Variants in UBTF observed in about 807,000 individuals in gnomAD.
UBTF encodes the protein nucleolar transcription factor 1.
In UBTF, 8 loss-of-function variants were observed where a neutral mutation model predicts 112.3. That is an observed-to-expected ratio of 0.07 (90% CI 0.04 to 0.13). The LOEUF (loss-of-function observed/expected upper bound fraction) is 0.13. Among genes scored for constraint, UBTF ranks in the 10% least tolerant of loss-of-function variants. The pLI is 1.00. For missense variants in UBTF, 457 were observed against 982.1 expected (o/e 0.47, Z 7.15); for synonymous variants, 417 against 373.1 (o/e 1.12, Z -1.36).
Position 44,207,249 on chromosome 17 carries a change from G to C in UBTF, c.2288C>G (p.Ser763Cys). 6.2e-7 allele frequency: 1 copy of C among 1,613,620 alleles called. No individual in the cohort carries two copies. The highest frequency in any genetic ancestry group is 8.5e-7 in the Non-Finnish European group (1 of 1,179,864). Residue 763 changes from serine to cysteine, a missense_variant, in exon 21 of 21, where the codon TCC becomes TGC. By Grantham distance (112) the Ser-to-Cys change is moderately radical (BLOSUM62 -1). Around this residue, in one of 7 missense-constraint regions of UBTF, gnomAD observed 139 missense variants for 157.5 expected, o/e 0.88. Coordinates refer to ENST00000436088, the MANE Select transcript of UBTF (RefSeq NM_014233.4). ...CTGGGGTGGGGCTGAGCCTCAGTTGGAGTCAGAGTCTGAGGAGTCCCCTGA... is the reference window on the plus strand; with the variant it reads ...CTGGGGTGGGGCTGAGCCTCAGTTGCAGTCAGAGTCTGAGGAGTCCCCTGA... The part of the protein sequence containing the change: ...SSSGDSSDSD[S>C]N
At chr17:44,218,541 T>G in intron 1 of UBTF, 2 of 252,054 alleles carry the variant, frequency 7.9e-6, no homozygotes, top group Non-Finnish European at 1.4e-5. Flanking sequence ...GGCCTGCTCC[T>G]AGCTCCCGCG....
In UBTF at chr17:44,207,370, G is replaced by C; in HGVS notation, c.2170-3C>G. On this transcript the variant is annotated splice_region_variant and splice_polypyrimidine_tract_variant and intron_variant, in intron 20 of 20. Coordinates refer to ENST00000436088, the MANE Select transcript of UBTF (RefSeq NM_014233.4). ...TCGTCCTCGTCATCCTCTTCATTCT[G>C]GGGGGTGAGAAAGGATGTGGAGTCA... 6.2e-7 allele frequency: 1 copy of C among 1,612,150 alleles called. No individual in the cohort carries two copies. The highest frequency in any genetic ancestry group is 8.5e-7 in the Non-Finnish European group (1 of 1,179,110).
chr17:44,207,663 C>G (rs376811332), intron 19 of UBTF, 36 bp downstream of exon 19: 215 of 1,614,054 alleles, frequency 1.3e-4, no homozygotes, highest in Non-Finnish European at 1.7e-4. Flanking sequence ...CAGTGCCCCC[C>G]GCCCCACGCC....
At chr17:44,212,676 G>A in intron 7 of UBTF, 143 bp downstream of exon 7, 1 of 1,426,444 alleles carries the variant, frequency 7.0e-7, no homozygotes, top group Non-Finnish European at 9.6e-7. Flanking sequence ...CACGCCAGCT[G>A]GCCCGGGCCC....
chr17:44,215,156 G>C (rs1302337862), intron 5 of UBTF, among the ~76,000 whole-genome samples: 1 of 152,244 alleles, frequency 6.6e-6, no homozygotes, highest in Non-Finnish European at 1.5e-5. Context: ...ACTGGACTGG[G>C]ACTCTGGGGC....
chr17:44,209,828 T>A (rs536327916), intron 15 of UBTF, 95 bp from the exon 16 acceptor site: 16 of 1,350,162 alleles, frequency 1.2e-5, no homozygotes, highest in Non-Finnish European at 1.7e-5. Context: ...TGGCTGTCTT[T>A]TTCTGTGCCA....
chr17:44,209,978 ACT>A, intron 15 of UBTF, 144 bp downstream of exon 15: 1 of 908,638 alleles, frequency 1.1e-6, no homozygotes, highest in Non-Finnish European at 1.7e-6. Context: ...CCCCCACCTT[ACT>A]GATGAGAGAC....
upstream of UBTF, among the ~76,000 whole-genome samples, chr17:44,220,550 A>G (rs2047136750): frequency 6.6e-6 from 1 of 151,548 alleles, no homozygotes; most frequent in Non-Finnish European, 1.5e-5. Flanking sequence ...AAAAAAAAAA[A>G]TCCCCGTTGC....
At chr17:44,217,969 G>A (rs1400736329) in intron 2 of UBTF, among the ~76,000 whole-genome samples, 1 of 152,210 alleles carries the variant, frequency 6.6e-6, no homozygotes, top group Non-Finnish European at 1.5e-5. Context: ...GGGAGAGAGG[G>A]GAGGTGAGCC....
rs735490 is a variant in UBTF at position 44,215,043 on chromosome 17, C to G, written c.474+611G>C. Among the ~76,000 whole-genome samples the G allele has an allele frequency of 1.0e-2, 1,518 of 152,312 alleles. 14 individuals are homozygous for G. The highest frequency in any genetic ancestry group is 0.015 in the Non-Finnish European group (989 of 68,032). On this transcript the variant is annotated intron_variant, in intron 5 of 20. Transcript: ENST00000436088. ...TTGATGGTCTGGGACAGTGCCCGACCTCTGCAAGGAACAGTATGAGGCCAG... is the reference window on the plus strand; with the variant it reads ...TTGATGGTCTGGGACAGTGCCCGACGTCTGCAAGGAACAGTATGAGGCCAG...
At chr17:44,213,733 C>G (rs371118846) in intron 5 of UBTF, among the ~76,000 whole-genome samples, 1 of 152,204 alleles carries the variant, frequency 6.6e-6, no homozygotes, top group Admixed American at 6.5e-5. Context: ...GCCTCTACAT[C>G]TATGGCCAGG....
Position 44,212,505 on chromosome 17 carries a change from GGGGGGAA to G in UBTF, c.661-58_661-52del, listed in dbSNP as rs764972699. 56 of 1,049,224 alleles carry G rather than the reference GGGGGGAA, an allele frequency of 5.3e-5. 1 individual carries two copies. The highest frequency in any genetic ancestry group is 5.0e-4 in the African/African-American group (32 of 63,624). 65.0% of individuals were successfully genotyped at this position (1,049,224 alleles called of 1,614,324 possible). A position where few individuals can be genotyped will look rare whatever the true frequency, so the allele number is the denominator to read the frequency against. ...GCACAGGCAGCCAGGGGCAGGGGGA[GGGGGGAA>G]GGGGGAAGGGGGCACAGAGGCCCCC... On this transcript the variant is annotated intron_variant, in intron 7 of 20. Transcript: ENST00000436088.
At chr17:44,220,093 G>C (rs2047104854), upstream of UBTF, among the ~76,000 whole-genome samples, 3 of 146,166 alleles carry the variant, frequency 2.1e-5, no homozygotes, top group South Asian at 4.4e-4. Context: ...GAAGGGGGGG[G>C]GGGCCGGGGC....
In UBTF at chr17:44,216,442, T is replaced by C. The variant is rs181507447; in HGVS notation, c.234+87A>G. 2,408 of 1,511,348 alleles carry C rather than the reference T, an allele frequency of 1.6e-3. 39 individuals are homozygous for C. In the African/African-American group the frequency reaches 0.03, roughly 19 times the overall value. The allele number at this position is 1,511,348 out of a possible 1,614,324, so 93.6% of individuals were successfully genotyped here. A position where few individuals can be genotyped will look rare whatever the true frequency, so the allele number is the denominator to read the frequency against. ...CCACATGAATGCCTCTCCTGGTCTC[T>C]TTCCTTCCTGTTTACAGCCTGTTTC... On this transcript the variant is annotated intron_variant, in intron 3 of 20. Coordinates refer to ENST00000436088, the MANE Select transcript of UBTF (RefSeq NM_014233.4).
Position 44,209,180 on chromosome 17 carries a change from A to AT in UBTF, c.1905+171_1905+172insA, listed in dbSNP as rs571403878. 3.9e-3 allele frequency: 2,655 copies of AT among 682,556 alleles called. 17 individuals are homozygous for AT. Among genetic ancestry groups the AT allele is most frequent in the Admixed American group, 6.7e-3 (186 of 27,906 alleles). The allele number at this position is 682,556 out of a possible 1,614,324, so 42.3% of individuals were successfully genotyped here. A position where few individuals can be genotyped will look rare whatever the true frequency, so the allele number is the denominator to read the frequency against. ...CAAGACTGTCTCAAAAAATAAAAAAAAAAATAAAAATAAAAGGGTGATAGT... is the reference window on the plus strand; with the variant it reads ...CAAGACTGTCTCAAAAAATAAAAAAATAAAATAAAAATAAAAGGGTGATAGT... On this transcript the variant is annotated intron_variant, in intron 17 of 20. Transcript: ENST00000436088.
At position 44,210,865 on chromosome 17, in the gene UBTF, C is replaced by T. The variant is rs1271317542; in HGVS notation, c.1286G>A (p.Arg429Gln). Residue 429 changes from arginine (R) to glutamine (Q), a missense_variant, in exon 13 of 21, where the codon CGG becomes CAG. Physicochemically the swap from Arg to Gln is conservative, Grantham distance 43 (BLOSUM62 1). Coordinates refer to ENST00000436088, the MANE Select transcript of UBTF (RefSeq NM_014233.4). ...CAGCTCGCTCTCGGAGAGCTCAGGC[C>T]GCTCCTCCTGCAGCTGCCGCCGTTT... ...EEKRRQLQEE[R>Q]PELSESELTR... 1 of 1,580,782 alleles carries T rather than the reference C, an allele frequency of 6.3e-7. No individual in the cohort carries two copies.
rs2056493571 is a variant in UBTF, at chr17:44,209,221, G to A, written c.1905+131C>T. 10 of 918,116 alleles carry A rather than the reference G, an allele frequency of 1.1e-5. No homozygotes were observed. In the South Asian group the frequency reaches 2.0e-4, roughly 19 times the overall value. The allele number at this position is 918,116 out of a possible 1,614,324, so 56.9% of individuals were successfully genotyped here. A position where few individuals can be genotyped will look rare whatever the true frequency, so the allele number is the denominator to read the frequency against. On this transcript the variant is annotated intron_variant, in intron 17 of 20. Coordinates refer to ENST00000436088, the MANE Select transcript of UBTF (RefSeq NM_014233.4). ...GGGTGATAGTGACCGTTATCCTGAA[G>A]GATTGCGAGGGCATGGAATGAAATC...
upstream of UBTF, among the ~76,000 whole-genome samples, chr17:44,220,088 G>T (rs1265107517): frequency 1.8e-4 from 25 of 139,676 alleles, no homozygotes; most frequent in East Asian, 1.4e-3. Context: ...CCGGGGAAGG[G>T]GGGGGGGGCC....
At chr17:44,214,398 G>A (rs1251000466) in intron 5 of UBTF, among the ~76,000 whole-genome samples, 1 of 152,154 alleles carries the variant, frequency 6.6e-6, no homozygotes, top group Non-Finnish European at 1.5e-5. Flanking sequence ...CTTACCAAAG[G>A]CCCCATACAC....
Sources: allele counts gnomAD v4.1 joint callset (sites outside exome capture counted in the v4.1 genomes callset), GRCh38; gene constraint gnomAD v4.1.1; regional missense constraint gnomAD v4.1.1; transcripts MANE v1.5; gene names NCBI Gene and HGNC (gene_info 2026-07-23, HGNC 2026-07-21).